Variants in NRG3 observed in about 807,000 individuals in gnomAD.
NRG3 encodes the protein neuregulin 3.
A neutral mutation model predicts 66.9 loss-of-function variants in NRG3; 31 were observed. That is an observed-to-expected ratio of 0.46 (90% CI 0.35 to 0.63). The LOEUF (loss-of-function observed/expected upper bound fraction) is 0.63. NRG3 is among the 20% of genes least tolerant of loss of function. The probability of loss-of-function intolerance (pLI) is 0.00; values close to 1 mark genes in which losing one functional copy is unlikely to be tolerated. For synonymous variants in NRG3, 393 were observed against 359.4 expected, an observed-to-expected ratio of 1.09 and a Z score of -1.06; for missense variants, 910 against 878.9, an observed-to-expected ratio of 1.04 and a Z score of -0.45.
chr10:82,798,739 C>T (rs933229357), intron 3 of NRG3, among the ~76,000 whole-genome samples: 5 of 152,204 alleles, frequency 3.3e-5, no homozygotes, highest in Non-Finnish European at 7.3e-5. Flanking sequence ...CATCTGCAAG[C>T]TACTGTGTAT....
chr10:82,068,478 C>T (rs927496313), intron 1 of NRG3, among the ~76,000 whole-genome samples: 5 of 152,138 alleles, frequency 3.3e-5, no homozygotes, highest in Admixed American at 6.5e-5. Context: ...CCTTGAGAAG[C>T]GTACAGCTTA....
chr10:82,939,075 A>G (rs1246327475), intron 4 of NRG3, among the ~76,000 whole-genome samples: 1 of 152,216 alleles, frequency 6.6e-6, no homozygotes, highest in Non-Finnish European at 1.5e-5. Context: ...AAGAAATAGC[A>G]CTTGGAAAGC....
chr10:82,814,120 T>C (rs2061609191), intron 3 of NRG3, among the ~76,000 whole-genome samples: 2 of 152,236 alleles, frequency 1.3e-5, no homozygotes, highest in Admixed American at 1.3e-4. Context: ...TGTAGTATAA[T>C]TGAATTGCAG....
intron 2 of NRG3, among the ~76,000 whole-genome samples, chr10:82,425,934 A>G (rs1030137580): frequency 2.0e-5 from 3 of 152,172 alleles, no homozygotes; most frequent in African/African-American, 7.2e-5. Flanking sequence ...GAAGCATTTT[A>G]CAAACCTGTG....
chr10:82,524,729 T>C (rs987992592), intron 2 of NRG3, among the ~76,000 whole-genome samples: 1 of 151,872 alleles, frequency 6.6e-6, no homozygotes, highest in Non-Finnish European at 1.5e-5. Context: ...ATATAGAACA[T>C]TTCATTTCAA....
rs557590041 is a variant in NRG3 at position 82,216,613 on chromosome 10, T to C, written c.824-142126T>C. Among the ~76,000 whole-genome samples, 39 of 150,236 alleles carry C rather than the reference T, an allele frequency of 2.6e-4. No individual in the cohort carries two copies. The South Asian group carries it at 8.2e-3, about 32-fold the overall frequency. On this transcript the variant is annotated intron_variant, in intron 1 of 8. Coordinates refer to ENST00000372141, the MANE Select transcript of NRG3 (RefSeq NM_001010848.4). ...GTGTGTGTATAGATATATATAGATATATATATATATATACCCTTGTGCTAA... is the reference window on the plus strand; with the variant it reads ...GTGTGTGTATAGATATATATAGATACATATATATATATACCCTTGTGCTAA...
chr10:82,963,226 T>C (rs1342045370), intron 6 of NRG3, among the ~76,000 whole-genome samples: 1 of 152,198 alleles, frequency 6.6e-6, no homozygotes, highest in African/African-American at 2.4e-5. Flanking sequence ...ACAAAAAACC[T>C]AGGCAAACTT....
At chr10:82,720,670 A>G (rs1239594658) in intron 2 of NRG3, among the ~76,000 whole-genome samples, 2 of 151,902 alleles carry the variant, frequency 1.3e-5, no homozygotes, top group South Asian at 2.1e-4. Flanking sequence ...CTCTCAGCAC[A>G]TGGGGATTGC....
chr10:82,730,681 G>T (rs1488260425), intron 2 of NRG3, among the ~76,000 whole-genome samples: 3 of 152,092 alleles, frequency 2.0e-5, no homozygotes, highest in Non-Finnish European at 4.4e-5. Context: ...GTGTTAATTA[G>T]TGTTCTTTTT....
At chr10:82,887,536 A>G (rs989256643) in intron 4 of NRG3, among the ~76,000 whole-genome samples, 1 of 152,232 alleles carries the variant, frequency 6.6e-6, no homozygotes, top group African/African-American at 2.4e-5. Context: ...AAAAATGTGC[A>G]TGAAAGCATG....
intron 2 of NRG3, among the ~76,000 whole-genome samples, chr10:82,694,980 G>A (rs2055257810): frequency 6.6e-6 from 1 of 151,926 alleles, no homozygotes; most frequent in African/African-American, 2.4e-5. Context: ...TTTTAAGGCA[G>A]CCATTTTAAG....
chr10:82,889,929 G>C (rs1305237464), intron 4 of NRG3, among the ~76,000 whole-genome samples: 5 of 152,084 alleles, frequency 3.3e-5, no homozygotes, highest in Non-Finnish European at 7.4e-5. Flanking sequence ...AATTTTTGCT[G>C]GTTTATAGAT....
chr10:82,192,331 AC>A (rs2074193412), intron 1 of NRG3, among the ~76,000 whole-genome samples: 2 of 152,216 alleles, frequency 1.3e-5, no homozygotes, highest in African/African-American at 4.8e-5. Context: ...TTTCAGTGGC[AC>A]TTCACATTTA....
At position 82,132,505 on chromosome 10, in the gene NRG3, C is replaced by CATATATATATCATAT. The variant is rs367993461; in HGVS notation, c.824-226224_824-226223insCATATATATATATAT. Among the ~76,000 whole-genome samples the CATATATATATCATAT allele has an allele frequency of 1.2e-4, 7 of 60,334 alleles. 1 individual carries two copies. Among genetic ancestry groups the CATATATATATCATAT allele is most frequent in the African/African-American group, 2.4e-4 (5 of 20,878 alleles). The allele number at this position is 60,334 out of a possible 152,430, so 39.6% of individuals were successfully genotyped here. On this transcript the variant is annotated intron_variant, in intron 1 of 8. Coordinates refer to ENST00000372141, the MANE Select transcript of NRG3 (RefSeq NM_001010848.4). ...ATATATATATATGATATATATATAT[C>CATATATATATCATAT]ATATATATATGATATATATGATATA...
chr10:82,698,430 A>C (rs1035303920), intron 2 of NRG3, among the ~76,000 whole-genome samples: 1 of 152,202 alleles, frequency 6.6e-6, no homozygotes, highest in African/African-American at 2.4e-5. Context: ...CATATGCTTT[A>C]AATAATCCAA....
rs142443398 is a variant in NRG3 at position 82,176,880 on chromosome 10, G to GACACACACACACACACACACACAC, written c.824-181857_824-181834dup. On this transcript the variant is annotated intron_variant, in intron 1 of 8. Transcript: ENST00000372141. ...CACAAAGCCTCGATTTTTAAAACAA[G>GACACACACACACACACACACACAC]ACACACACACACACACACACACACA... 4.6e-3 allele frequency among the ~76,000 whole-genome samples: 670 copies of GACACACACACACACACACACACAC among 146,210 alleles called. 17 individuals carry two copies. The highest frequency in any genetic ancestry group is 0.036 in the Admixed American group (512 of 14,386).
intron 2 of NRG3, among the ~76,000 whole-genome samples, chr10:82,515,630 A>G (rs375412983): frequency 3.3e-5 from 5 of 152,334 alleles, no homozygotes; most frequent in East Asian, 1.9e-4. Flanking sequence ...TTTATTTTGT[A>G]TAAAAGTTGT....
chr10:82,465,444 A>G (rs1228614050), intron 2 of NRG3, among the ~76,000 whole-genome samples: 1 of 152,188 alleles, frequency 6.6e-6, no homozygotes, highest in Admixed American at 6.5e-5. Context: ...GTCTTCGTTG[A>G]CTAACAGTTT....
At chr10:82,845,957 GAATTTGCATTTTTA>G (rs1311844297) in intron 3 of NRG3, among the ~76,000 whole-genome samples, 4 of 152,100 alleles carry the variant, frequency 2.6e-5, no homozygotes, top group Admixed American at 1.3e-4. Flanking sequence ...ACAGCTCATA[GAATTTGCATTTTTA>G]TCATGCACTG....
Sources: gnomAD v4.1 joint callset for allele counts (sites outside exome capture counted in the v4.1 genomes callset) on GRCh38, gnomAD v4.1.1 for gene constraint, MANE v1.5 for transcripts, NCBI Gene and HGNC (gene_info 2026-07-23, HGNC 2026-07-21) for gene names.